The following IKBKG variants were observed in gnomAD, a reference collection of about 807,000 sequenced individuals.
IKBKG encodes the protein inhibitor of nuclear factor kappa B kinase regulatory subunit gamma.
Under a neutral mutation model 13.7 loss-of-function variants are expected in IKBKG, and 2 were observed. The observed-to-expected ratio is 0.15, with a 90% CI of 0.06 to 0.46. IKBKG has a LOEUF of 0.46. Among genes scored for constraint, IKBKG ranks in the 20% least tolerant of loss-of-function variants. The probability of loss-of-function intolerance (pLI) is 0.98; values close to 1 mark genes in which losing one functional copy is unlikely to be tolerated. For synonymous variants in IKBKG, 22 were observed against 64.4 expected, an observed-to-expected ratio of 0.34 and a Z score of 3.15; for missense variants, 53 against 150.3, an observed-to-expected ratio of 0.35 and a Z score of 3.39.
upstream of IKBKG, chrX:154,545,859 C>A (rs879997294): frequency 7.6e-5 from 31 of 407,674 alleles, no homozygotes; most frequent in Non-Finnish European, 1.0e-4. Context: ...AAAAAAAAGT[C>A]TTGCAAGTGC....
upstream of IKBKG, chrX:154,547,173 C>A: frequency 4.3e-6 from 1 of 232,817 alleles, no homozygotes; most frequent in Non-Finnish European, 6.2e-6. Context: ...CCGGTTTCCC[C>A]GCCTGCCCCG....
chrX:154,547,862 C>T, intron 1 of IKBKG, 117 bp downstream of exon 1: 1 of 755,097 alleles, frequency 1.3e-6, no homozygotes, highest in South Asian at 6.7e-5. Flanking sequence ...GTTCCTGCTC[C>T]GCGCTTCTGG....
intron 2 of IKBKG, among the ~76,000 whole-genome samples, chrX:154,554,265 G>A (rs1422320251): frequency 8.9e-6 from 1 of 112,637 alleles, no homozygotes; most frequent in African/African-American, 3.2e-5. Flanking sequence ...GACATGTCCA[G>A]AAGTGGCCAA....
upstream of IKBKG, chrX:154,542,470 C>T (rs782337273): frequency 6.0e-5 from 70 of 1,166,303 alleles, no homozygotes; most frequent in Non-Finnish European, 7.9e-5. Flanking sequence ...CCTCGGCTCC[C>T]TTTCTGGTAG....
chrX:154,542,282 GT>G (rs1569556342), exon 2 of IKBKG: 2 of 1,152,616 alleles, frequency 1.7e-6, no homozygotes, highest in Admixed American at 5.2e-5. Flanking sequence ...TGTGATCCAG[GT>G]GGGGAAACTA....
chrX:154,549,273 G>A (rs1339124035), intron 1 of IKBKG, among the ~76,000 whole-genome samples: 2 of 109,637 alleles, frequency 1.8e-5, no homozygotes, highest in Admixed American at 1.9e-4. Flanking sequence ...GAGCCACCGC[G>A]CCCGGCCTCT....
intron 1 of IKBKG, chrX:154,542,206 T>C: frequency 2.5e-6 from 2 of 786,707 alleles, no homozygotes; most frequent in South Asian, 4.9e-5. Flanking sequence ...CGGGGGCCGC[T>C]GGGTCATCCC....
chrX:154,548,069 C>G (rs1254983169), intron 1 of IKBKG: 2 of 753,691 alleles, frequency 2.7e-6, no homozygotes, highest in Non-Finnish European at 3.1e-6. Flanking sequence ...GGAAATGCCT[C>G]ACATATAGTT....
chrX:154,543,416 G>C (rs782209623), upstream of IKBKG, among the ~76,000 whole-genome samples: 26 of 112,367 alleles, frequency 2.3e-4, no homozygotes, highest in Non-Finnish European at 4.7e-4. Context: ...TTTGCTACAC[G>C]AAATGCTGAG....
intron 1 of IKBKG, among the ~76,000 whole-genome samples, chrX:154,551,054 C>T (rs2148366639): frequency 9.1e-6 from 1 of 109,580 alleles, no homozygotes; most frequent in African/African-American, 3.3e-5. Flanking sequence ...CCTCATGATC[C>T]ACCCGTGTCG....
intron 1 of IKBKG, chrX:154,548,207 G>A: frequency 1.8e-6 from 1 of 546,057 alleles, no homozygotes; most frequent in Non-Finnish European, 2.2e-6. Context: ...GAATAGCACG[G>A]AGGTCACTAT....
chrX:154,562,657 T>C (rs2071136840), intron 6 of IKBKG, among the ~76,000 whole-genome samples, 153 bp from the exon 7 acceptor site: 2 of 12,304 alleles, frequency 1.6e-4, no homozygotes, highest in Non-Finnish European at 2.7e-4. Flanking sequence ...CATCTCCCTG[T>C]GCACGCTGAG....
At chrX:154,553,001 C>T (rs1003012327) in intron 2 of IKBKG, among the ~76,000 whole-genome samples, 1 of 112,694 alleles carries the variant, frequency 8.9e-6, no homozygotes, top group Non-Finnish European at 1.9e-5. Context: ...GCCATATACT[C>T]TTGCCTTTCT....
upstream of IKBKG, chrX:154,547,567 T>G (rs1222622261): frequency 5.3e-6 from 4 of 753,625 alleles, no homozygotes; most frequent in Non-Finnish European, 6.3e-6. Flanking sequence ...GCTTCCCGAG[T>G]TCTCGGGGGC....
chrX:154,550,277 T>A (rs61120457), intron 1 of IKBKG, among the ~76,000 whole-genome samples: 286 of 101,896 alleles, frequency 2.8e-3, no homozygotes, highest in East Asian at 0.017. Flanking sequence ...TGTGTGTGTG[T>A]GAGAGAGAGA....
At chrX:154,548,254 G>C (rs1777640457) in intron 1 of IKBKG, among the ~76,000 whole-genome samples, 2 of 112,383 alleles carry the variant, frequency 1.8e-5, no homozygotes, top group African/African-American at 6.5e-5. Context: ...CACAGTTGGA[G>C]AGGAAGGGAT....
upstream of IKBKG, among the ~76,000 whole-genome samples, chrX:154,544,285 C>T (rs909121506): frequency 1.8e-5 from 2 of 111,127 alleles, no homozygotes; most frequent in Non-Finnish European, 3.8e-5. Flanking sequence ...CCTCAGCCTA[C>T]TGAGTAGCTG....
upstream of IKBKG, chrX:154,546,765 C>T: frequency 2.6e-6 from 3 of 1,135,048 alleles, no homozygotes; most frequent in Non-Finnish European, 2.3e-6. Flanking sequence ...CCTCCGCCTG[C>T]GCGGCGCCCG....
At chrX:154,543,390 G>A (rs2070582649), upstream of IKBKG, among the ~76,000 whole-genome samples, 1 of 112,430 alleles carries the variant, frequency 8.9e-6, no homozygotes, top group Non-Finnish European at 1.9e-5. Context: ...CTGGGCCCTC[G>A]TTTCAAAAGC....
Sources: gnomAD v4.1 joint callset for allele counts (sites outside exome capture counted in the v4.1 genomes callset) on GRCh38, gnomAD v4.1.1 for gene constraint, MANE v1.5 for transcripts, NCBI Gene and HGNC (gene_info 2026-07-23, HGNC 2026-07-21) for gene names.